EYA4: variants seen among roughly 807,000 people sequenced by gnomAD.
EYA4 encodes protein phosphatase EYA4.
EYA4 carries 31 observed loss-of-function variants against 87.9 expected under a neutral mutation model. The ratio of observed to expected loss-of-function variants is 0.35; its 90% CI spans 0.27 to 0.48. EYA4 has a LOEUF of 0.48. Among genes scored for constraint, EYA4 ranks in the 20% least tolerant of loss-of-function variants. The probability of loss-of-function intolerance (pLI) is 0.99; values close to 1 mark genes in which losing one functional copy is unlikely to be tolerated. For synonymous variants in EYA4, 263 were observed against 270.6 expected (o/e 0.97, Z 0.28); for missense variants, 678 against 761.4 (o/e 0.89, Z 1.29).
At chr6:133,267,650 T>C (rs1303331269) in intron 1 of EYA4, among the ~76,000 whole-genome samples, 1 of 152,212 alleles carries the variant, frequency 6.6e-6, no homozygotes, top group African/African-American at 2.4e-5. Context: ...CCCAAAGTGC[T>C]GGGATTACAG....
At chr6:133,288,508 G>A (rs1778248945) in intron 2 of EYA4, among the ~76,000 whole-genome samples, 1 of 152,108 alleles carries the variant, frequency 6.6e-6, no homozygotes, top group Non-Finnish European at 1.5e-5. Context: ...AATGACTTAA[G>A]GAAAGAGAAA....
intron 2 of EYA4, among the ~76,000 whole-genome samples, chr6:133,309,259 A>G (rs1301296784): frequency 6.6e-6 from 1 of 152,074 alleles, no homozygotes; most frequent in African/African-American, 2.4e-5. Context: ...TAAATGGTGA[A>G]ATTAAAGATA....
chr6:133,480,231 A>G (rs1029077928), intron 11 of EYA4, among the ~76,000 whole-genome samples: 1 of 152,192 alleles, frequency 6.6e-6, no homozygotes, highest in African/African-American at 2.4e-5. Flanking sequence ...AGGAGAGTGC[A>G]AGGTATCAGC....
chr6:133,319,522 T>TA (rs1780890015), intron 2 of EYA4, among the ~76,000 whole-genome samples: 1 of 151,756 alleles, frequency 6.6e-6, no homozygotes, highest in Admixed American at 6.6e-5. Context: ...TTTTTTTTTT[T>TA]ACCAGTCTTA....
intron 3 of EYA4, among the ~76,000 whole-genome samples, chr6:133,384,506 G>T (rs1362067115): frequency 6.6e-6 from 1 of 152,140 alleles, no homozygotes; most frequent in Admixed American, 6.5e-5. Flanking sequence ...TCATAACTTT[G>T]TGATATCAAA....
At chr6:133,434,331 A>C (rs1456249762) in intron 3 of EYA4, among the ~76,000 whole-genome samples, 1 of 152,238 alleles carries the variant, frequency 6.6e-6, no homozygotes, top group East Asian at 1.9e-4. Context: ...TGAAAATGAA[A>C]GGGCTGCCTC....
At chr6:133,420,923 C>A (rs1021091019) in intron 3 of EYA4, among the ~76,000 whole-genome samples, 11 of 152,236 alleles carry the variant, frequency 7.2e-5, no homozygotes, top group African/African-American at 2.7e-4. Flanking sequence ...ACACTGTATA[C>A]AGAATAGGGT....
At chr6:133,500,146 T>A (rs1040555074) in intron 13 of EYA4, among the ~76,000 whole-genome samples, 1 of 151,754 alleles carries the variant, frequency 6.6e-6, no homozygotes, top group African/African-American at 2.4e-5. Context: ...TGTCATCTGC[T>A]GACTCTCAAT....
chr6:133,417,905 AG>A (rs1417737709), intron 3 of EYA4, among the ~76,000 whole-genome samples: 1 of 152,158 alleles, frequency 6.6e-6, no homozygotes, highest in African/African-American at 2.4e-5. Flanking sequence ...CCAAGCATGT[AG>A]GGTCTGAATT....
intron 1 of EYA4, among the ~76,000 whole-genome samples, chr6:133,271,708 G>A (rs992481771): frequency 6.6e-6 from 1 of 152,166 alleles, no homozygotes; most frequent in African/African-American, 2.4e-5. Context: ...GGAAGTCCAT[G>A]TTGCTGAGCC....
chr6:133,365,410 G>C (rs1313718355), intron 2 of EYA4, among the ~76,000 whole-genome samples: 1 of 152,148 alleles, frequency 6.6e-6, no homozygotes, highest in Non-Finnish European at 1.5e-5. Flanking sequence ...AGTTGTACCA[G>C]GGGATTTTAA....
intron 2 of EYA4, among the ~76,000 whole-genome samples, chr6:133,365,659 G>A (rs1477071477): frequency 6.6e-6 from 1 of 152,138 alleles, no homozygotes; most frequent in Non-Finnish European, 1.5e-5. Flanking sequence ...GGGAAGGGCA[G>A]AGGAAACAGT....
intron 2 of EYA4, among the ~76,000 whole-genome samples, chr6:133,362,446 C>G (rs1331726342): frequency 6.6e-6 from 1 of 151,930 alleles, no homozygotes; most frequent in Non-Finnish European, 1.5e-5. Context: ...TTACCGTCAC[C>G]CCTGTTGCCT....
chr6:133,342,753 T>C (rs890188178), intron 2 of EYA4, among the ~76,000 whole-genome samples: 7 of 151,760 alleles, frequency 4.6e-5, no homozygotes, highest in Non-Finnish European at 1.0e-4. Flanking sequence ...CTGAAATCTT[T>C]ATTTAGCATA....
At chr6:133,385,426 TGTGTGTGTGTGTGTGA>T (rs1786655548) in intron 3 of EYA4, among the ~76,000 whole-genome samples, 4 of 147,386 alleles carry the variant, frequency 2.7e-5, no homozygotes, top group African/African-American at 1.0e-4. Context: ...TGTGTGTGTG[TGTGTGTGTGTGTGTGA>T]GAGAGAGAGA....
intron 2 of EYA4, among the ~76,000 whole-genome samples, chr6:133,356,780 TG>T (rs1304132224): frequency 8.9e-5 from 13 of 145,458 alleles, no homozygotes; most frequent in African/African-American, 3.3e-4. Context: ...TGTGTGTGTG[TG>T]TGTGTGTGTG....
At chr6:133,289,661 C>A (rs1778331008) in intron 2 of EYA4, among the ~76,000 whole-genome samples, 1 of 152,098 alleles carries the variant, frequency 6.6e-6, no homozygotes, top group South Asian at 2.1e-4. Context: ...ATAGAAGAGC[C>A]TATGTTCATA....
At chr6:133,476,338 GA>G (rs1296783270) in intron 11 of EYA4, among the ~76,000 whole-genome samples, 1 of 151,866 alleles carries the variant, frequency 6.6e-6, no homozygotes, top group African/African-American at 2.4e-5. Flanking sequence ...TTGTATAATA[GA>G]TATCTTGAAC....
At chr6:133,272,989 G>A (rs1038324776) in intron 1 of EYA4, among the ~76,000 whole-genome samples, 4 of 151,554 alleles carry the variant, frequency 2.6e-5, no homozygotes, top group Admixed American at 1.3e-4. Context: ...GGAGCCAAAC[G>A]CTGGGTTAAG....
Sources: allele counts gnomAD v4.1 joint callset (sites outside exome capture counted in the v4.1 genomes callset), GRCh38; gene constraint gnomAD v4.1.1; transcripts MANE v1.5; gene names NCBI Gene and HGNC (gene_info 2026-07-23, HGNC 2026-07-21).